Variants in PCDHGA4 observed in about 807,000 individuals in gnomAD.
PCDHGA4 encodes the protein protocadherin gamma subfamily A, 4, also known as protocadherin gamma-A4.
A neutral mutation model predicts 54.6 loss-of-function variants in PCDHGA4; 38 were observed. That is an observed-to-expected ratio of 0.70 (90% CI 0.54 to 0.91). The LOEUF (loss-of-function observed/expected upper bound fraction) is 0.91. Among genes scored for constraint, PCDHGA4 ranks in the 40% least tolerant of loss-of-function variants. The probability of loss-of-function intolerance (pLI) is 0.00; values close to 1 mark genes in which losing one functional copy is unlikely to be tolerated. For missense variants in PCDHGA4, 1,298 were observed against 1,220.9 expected, an observed-to-expected ratio of 1.06 and a Z score of -0.94; for synonymous variants, 511 against 512.9, an observed-to-expected ratio of 1.00 and a Z score of 0.05.
chr5:141,423,230 G>A (rs1223173152), intron 1 of PCDHGA4: 1 of 1,613,872 alleles, frequency 6.2e-7, no homozygotes, highest in East Asian at 2.2e-5. Flanking sequence ...GTGGCCGACA[G>A]CATCCCCGAA....
In PCDHGA4 at chr5:141,431,964, A is replaced by G; in HGVS notation, c.2515-62843A>G. On this transcript the variant is annotated intron_variant, in intron 1 of 3. Coordinates refer to ENST00000571252, the MANE Select transcript of PCDHGA4 (RefSeq NM_018917.4). The surrounding 1 kb of genome is among the most constrained non-coding windows in gnomAD (Gnocchi z 4.8). Reference sequence around the variant, plus strand: ...TTAGAAAAATCTTACGGAAATTACTATAGTTTAGTCACAGACATAGTCTTG... The same window carrying G: ...TTAGAAAAATCTTACGGAAATTACTGTAGTTTAGTCACAGACATAGTCTTG... 2.5e-6 allele frequency: 4 copies of G among 1,614,218 alleles called. No individual in the cohort carries two copies. The highest frequency in any genetic ancestry group is 2.5e-6 in the Non-Finnish European group (3 of 1,180,028).
In PCDHGA4 at chr5:141,511,540, C is replaced by CTA; in HGVS notation, c.*367_*368insTA. ...ATCCCATGCCTCCCTCCTCCCCACC[C>CTA]CACTCCAACAGTTCCTCTTTCCCGA... On this transcript the variant is annotated 3_prime_UTR_variant, in exon 4 of 4. Transcript: ENST00000571252. 3.0e-6 allele frequency: 1 copy of CTA among 328,024 alleles called. No individual in the cohort carries two copies. Among genetic ancestry groups the CTA allele is most frequent in the South Asian group, 3.2e-5 (1 of 31,610 alleles). 20.3% of individuals were successfully genotyped at this position (328,024 alleles called of 1,614,324 possible). A position where few individuals can be genotyped will look rare whatever the true frequency, so the allele number is the denominator to read the frequency against.
intron 1 of PCDHGA4, chr5:141,403,631 C>A (rs751580878): frequency 2.5e-6 from 4 of 1,613,912 alleles, no homozygotes; most frequent in Non-Finnish European, 2.5e-6. Flanking sequence ...CAGCACAGTG[C>A]GCATCCATGT....
intron 1 of PCDHGA4, chr5:141,419,384 G>T (rs1383174444): frequency 1.2e-6 from 2 of 1,613,554 alleles, no homozygotes; most frequent in East Asian, 2.2e-5. Flanking sequence ...GTCCGTGAGC[G>T]CGCAGAGCGG....
In PCDHGA4 at chr5:141,374,472, C is replaced by T. The variant is rs749966400; in HGVS notation, c.2514+16851C>T. The T allele has an allele frequency of 5.0e-6, 8 of 1,612,276 alleles. No individual in the cohort carries two copies. The South Asian group carries it at 7.7e-5, about 15-fold the overall frequency. ...GAAATAGTGGACATTAATGACAATA[C>T]ACCCCGATTCTTAAAGGAAGAATTG... On this transcript the variant is annotated intron_variant, in intron 1 of 3. Transcript: ENST00000571252.
At chr5:141,450,509 G>A (rs2098683055) in intron 1 of PCDHGA4, among the ~76,000 whole-genome samples, 1 of 151,878 alleles carries the variant, frequency 6.6e-6, no homozygotes, top group African/African-American at 2.4e-5. Flanking sequence ...GTTTTGAGAT[G>A]GAGTCTCATT....
At chr5:141,466,077 A>G (rs1220036084) in intron 1 of PCDHGA4, among the ~76,000 whole-genome samples, 2 of 152,108 alleles carry the variant, frequency 1.3e-5, no homozygotes, top group Non-Finnish European at 2.9e-5. Context: ...AGCTGATATC[A>G]TGCCACTGCA....
rs2096271749 is a variant in PCDHGA4, at chr5:141,418,581, T to G, written c.2514+60960T>G. On this transcript the variant is annotated intron_variant, in intron 1 of 3. Coordinates refer to ENST00000571252, the MANE Select transcript of PCDHGA4 (RefSeq NM_018917.4). The stretch of plus-strand genomic sequence containing the variant: ...ATAGATGCCAATGACAACCCCCCAG[T>G]GTTCAGCCAGGACGTGTACAGGGTT... The G allele has an allele frequency of 2.5e-6, 4 of 1,613,854 alleles. No homozygotes were observed. The South Asian group carries it at 4.4e-5, about 18-fold the overall frequency.
chr5:141,414,415 C>A (rs769791452), intron 1 of PCDHGA4: 1 of 1,613,876 alleles, frequency 6.2e-7, no homozygotes, highest in Admixed American at 1.7e-5. Context: ...ACACAGAGCC[C>A]TTGACAGGGA....
At chr5:141,433,264 G>T in intron 1 of PCDHGA4, 1 of 1,314,872 alleles carries the variant, frequency 7.6e-7, no homozygotes, top group South Asian at 1.4e-5. Flanking sequence ...TACGATCATA[G>T]CTCACTGCAG....
At chr5:141,421,824 A>G in intron 1 of PCDHGA4, 1 of 1,613,768 alleles carries the variant, frequency 6.2e-7, no homozygotes, top group Non-Finnish European at 8.5e-7. Flanking sequence ...TACTGGAGGG[A>G]AGCCTGGACC....
At chr5:141,384,110 T>A in intron 1 of PCDHGA4, 1 of 1,604,780 alleles carries the variant, frequency 6.2e-7, no homozygotes, top group Non-Finnish European at 8.5e-7. Context: ...TATTATAGAT[T>A]GGTCACAACC....
At chr5:141,440,822 A>T (rs1561900737) in intron 1 of PCDHGA4, 2 of 152,058 alleles carry the variant, frequency 1.3e-5, no homozygotes, top group Non-Finnish European at 2.9e-5. Context: ...TCAACTCCTG[A>T]TCCTATTGGT....
At chr5:141,498,321 G>A (rs1477684617) in intron 2 of PCDHGA4, among the ~76,000 whole-genome samples, 2 of 151,722 alleles carry the variant, frequency 1.3e-5, no homozygotes, top group Non-Finnish European at 2.9e-5. Flanking sequence ...CTACACAGAA[G>A]GAAGAGCATT....
chr5:141,456,299 A>G (rs11167748), intron 1 of PCDHGA4, among the ~76,000 whole-genome samples: 25,602 of 152,048 alleles, frequency 0.17, 2,205 homozygotes, highest in South Asian at 0.22. Context: ...TCTAATGGAG[A>G]ACAGCAGCTA....
At chr5:141,415,129 G>C in intron 1 of PCDHGA4, 1 of 1,613,656 alleles carries the variant, frequency 6.2e-7, no homozygotes, top group African/African-American at 1.3e-5. Flanking sequence ...GGCCGTCCAG[G>C]ACCACGGCCA....
intron 1 of PCDHGA4, chr5:141,412,431 G>GTTAA (rs1478574285): frequency 6.6e-6 from 1 of 152,132 alleles, no homozygotes; most frequent in African/African-American, 2.4e-5. Context: ...ACACAAAAAG[G>GTTAA]TTAATTAAGG....
rs1243232069 is a variant in PCDHGA4 at position 141,490,842 on chromosome 5, G to A, written c.2515-3965G>A. Reference sequence around the variant, plus strand: ...TGCTGCAGATGCTGCAGATTGTGGTGGGGGTTCGAGACTCCGGCTCTCCCC... The same window carrying A: ...TGCTGCAGATGCTGCAGATTGTGGTAGGGGTTCGAGACTCCGGCTCTCCCC... On this transcript the variant is annotated intron_variant, in intron 1 of 3. Transcript: ENST00000571252. The surrounding 1 kb of genome is among the most constrained non-coding windows in gnomAD (Gnocchi z 5.4). 4.3e-6 allele frequency: 7 copies of A among 1,613,844 alleles called. No homozygotes were observed. In the South Asian group the frequency reaches 6.6e-5, roughly 15 times the overall value.
rs1266306917 is a variant in PCDHGA4 at position 141,403,005 on chromosome 5, C to A, written c.2514+45384C>A. ...CGCGGAAGATTAGTCCTGCTATGCTCGCTCCTGGGGATGCTATGGGAGGCC... is the reference window on the plus strand; with the variant it reads ...CGCGGAAGATTAGTCCTGCTATGCTAGCTCCTGGGGATGCTATGGGAGGCC... On this transcript the variant is annotated intron_variant, in intron 1 of 3. Transcript: ENST00000571252. The A allele has an allele frequency of 2.5e-6, 4 of 1,613,960 alleles. No homozygotes were observed. The East Asian group carries it at 8.9e-5, about 36-fold the overall frequency.
Sources: gnomAD v4.1 joint callset for allele counts (sites outside exome capture counted in the v4.1 genomes callset) on GRCh38, gnomAD v4.1.1 for gene constraint, Gnocchi (gnomAD v3.1) non-coding constraint, MANE v1.5 for transcripts, NCBI Gene and HGNC (gene_info 2026-07-23, HGNC 2026-07-21) for gene names.